The following NME7 variants were observed in gnomAD, a reference collection of about 807,000 sequenced individuals.
NME7 encodes the protein nucleoside diphosphate kinase 7.
A neutral mutation model predicts 49.1 loss-of-function variants in NME7; 41 were observed. That is an observed-to-expected ratio of 0.83 (90% CI 0.65 to 1.08). The LOEUF is 1.08. Among genes scored for constraint, NME7 ranks in the 50% least tolerant of loss-of-function variants. The pLI is 0.00. For synonymous variants in NME7, 139 were observed against 150.6 expected (o/e 0.92, Z 0.56); for missense variants, 423 against 463.4 (o/e 0.91, Z 0.80).
rs557581536 is a variant in NME7, at chr1:169,257,269, C to T, written c.755-19582G>A. Among the ~76,000 whole-genome samples, 2 of 134,486 alleles carry T rather than the reference C, an allele frequency of 1.5e-5. 1 individual carries two copies. Among genetic ancestry groups the T allele is most frequent in the Admixed American group, 1.4e-4 (2 of 13,860 alleles). The allele number at this position is 134,486 out of a possible 152,430, so 88.2% of individuals were successfully genotyped here. ...AGGTGCGGGATATAATCTCGTGGTG[C>T]GCCATTTTTTAAGCCTGTCAGAAAA... On this transcript the variant is annotated intron_variant, in intron 7 of 11. Transcript: ENST00000367811.
chr1:169,143,273 C>CTTTTTTTTTTTTTTTTTTTTTT (rs71299493), intron 11 of NME7, among the ~76,000 whole-genome samples: 2 of 98,178 alleles, frequency 2.0e-5, no homozygotes, highest in Non-Finnish European at 2.1e-5. Context: ...TCACCTCAGG[C>CTTTTTTTTTTTTTTTTTTTTTT]TTTTTTTTTT....
intron 10 of NME7, among the ~76,000 whole-genome samples, chr1:169,223,109 T>C (rs979043018): frequency 6.6e-6 from 1 of 152,208 alleles, no homozygotes; most frequent in African/African-American, 2.4e-5. Flanking sequence ...TTCAACTTTG[T>C]GACCTTTATA....
intron 11 of NME7, among the ~76,000 whole-genome samples, chr1:169,151,019 G>A (rs1658898773): frequency 6.6e-6 from 1 of 152,152 alleles, no homozygotes; most frequent in Non-Finnish European, 1.5e-5. Context: ...TTAAACATGT[G>A]AAAGCCATTC....
intron 9 of NME7, among the ~76,000 whole-genome samples, chr1:169,232,559 G>T (rs12401966): frequency 0.083 from 12,562 of 151,550 alleles, 711 homozygotes; most frequent in Admixed American, 0.19. Context: ...AGGGTGTTGG[G>T]GGGGGGGCAG....
intron 7 of NME7, among the ~76,000 whole-genome samples, chr1:169,254,832 AT>A (rs1034111544): frequency 7.6e-6 from 1 of 130,824 alleles, no homozygotes; most frequent in African/African-American, 2.6e-5. Flanking sequence ...CCCAGTAGTC[AT>A]TCAGGAGCAG....
chr1:169,209,429 C>A (rs1660755747), intron 10 of NME7, among the ~76,000 whole-genome samples: 1 of 152,018 alleles, frequency 6.6e-6, no homozygotes, highest in Admixed American at 6.6e-5. Context: ...ATAAAACAAA[C>A]ATTTCTATCA....
rs951274593 is a variant in NME7 at position 169,367,614 on chromosome 1, AC to A, written c.3+93del. On this transcript the variant is annotated intron_variant, in intron 1 of 11. Transcript: ENST00000367811. ...AGATAACGGGGAGAAGGTCGGGAGG[AC>A]CGGACAACTTTAAGTGCCCATCCGC... 2.8e-5 allele frequency: 39 copies of A among 1,407,822 alleles called. No individual in the cohort carries two copies. The East Asian group carries it at 8.0e-4, about 29-fold the overall frequency. The allele number at this position is 1,407,822 out of a possible 1,614,324, so 87.2% of individuals were successfully genotyped here. A position where few individuals can be genotyped will look rare whatever the true frequency, so the allele number is the denominator to read the frequency against.
At chr1:169,167,587 C>T (rs1416125289) in intron 11 of NME7, among the ~76,000 whole-genome samples, 2 of 152,040 alleles carry the variant, frequency 1.3e-5, no homozygotes, top group African/African-American at 4.8e-5. Context: ...ACTTTCTTAA[C>T]CCTAAACTGG....
intron 11 of NME7, among the ~76,000 whole-genome samples, chr1:169,139,040 G>C (rs534453737): frequency 6.6e-6 from 1 of 152,180 alleles, no homozygotes; most frequent in Non-Finnish European, 1.5e-5. Flanking sequence ...AATATGAACA[G>C]ATGTTTGTTG....
intron 4 of NME7, 89 bp from the exon 5 acceptor site, chr1:169,303,284 C>A (rs1209119636): frequency 8.9e-6 from 5 of 560,324 alleles, no homozygotes; most frequent in South Asian, 7.3e-5. Context: ...AAGATAAAAT[C>A]CTCTCAATTT....
rs767200951 is a variant in NME7 at position 169,287,290 on chromosome 1, G to A, written c.754+13C>T. ...ATTAACAAAATGTACTGAATATAGT[G>A]TATTCAACATACCTTCACTGACAGC... On this transcript the variant is annotated intron_variant, in intron 7 of 11. Coordinates refer to ENST00000367811, the MANE Select transcript of NME7 (RefSeq NM_013330.5). 6.5e-7 allele frequency: 1 copy of A among 1,538,858 alleles called. No individual in the cohort carries two copies. Among genetic ancestry groups the A allele is most frequent in the Non-Finnish European group, 9.0e-7 (1 of 1,114,130 alleles).
At chr1:169,287,816 AG>A (rs1650337159) in intron 6 of NME7, among the ~76,000 whole-genome samples, 1 of 152,222 alleles carries the variant, frequency 6.6e-6, no homozygotes, top group African/African-American at 2.4e-5. Flanking sequence ...GAAATTTTAT[AG>A]GAACAGAGAT....
chr1:169,136,301 T>TA (rs1658429117), intron 11 of NME7, among the ~76,000 whole-genome samples: 2 of 152,348 alleles, frequency 1.3e-5, no homozygotes, highest in East Asian at 3.9e-4. Context: ...TTGGAGCCTC[T>TA]AGACAGCAAG....
rs182315239 is a variant in NME7 at position 169,282,141 on chromosome 1, G to T, written c.754+5162C>A. On this transcript the variant is annotated intron_variant, in intron 7 of 11. Coordinates refer to ENST00000367811, the MANE Select transcript of NME7 (RefSeq NM_013330.5). ...CAATTTCAGAACCTGTTATTGGTCT[G>T]TTCAGGGGTTCTACTTCTTCCTGGC... Among the ~76,000 whole-genome samples, 23 of 152,200 alleles carry T rather than the reference G, an allele frequency of 1.5e-4. No individual in the cohort carries two copies. The East Asian group carries it at 4.1e-3, about 27-fold the overall frequency.
At chr1:169,350,848 G>A (rs1653146822) in intron 1 of NME7, among the ~76,000 whole-genome samples, 3 of 152,082 alleles carry the variant, frequency 2.0e-5, no homozygotes. Flanking sequence ...CACATCACAT[G>A]TAAATGGGAT....
chr1:169,180,805 AT>A (rs1270970479), intron 10 of NME7, among the ~76,000 whole-genome samples: 2 of 152,156 alleles, frequency 1.3e-5, no homozygotes, highest in South Asian at 2.1e-4. Context: ...GCTTTTTTAC[AT>A]TCTTAATTTA....
intron 2 of NME7, among the ~76,000 whole-genome samples, chr1:169,324,090 A>G (rs943820252): frequency 3.9e-5 from 6 of 151,924 alleles, no homozygotes; most frequent in Non-Finnish European, 8.8e-5. Context: ...CCTGACTTCA[A>G]GTAATCTGCC....
At chr1:169,133,467 C>T (rs112750356) in intron 11 of NME7, among the ~76,000 whole-genome samples, 5,291 of 152,180 alleles carry the variant, frequency 0.035, 291 homozygotes, top group African/African-American at 0.12. Context: ...AGGCCATGGC[C>T]GTTTTGGTGA....
At position 169,150,903 on chromosome 1, in the gene NME7, C is replaced by T. The variant is rs3766048; in HGVS notation, c.1099-18086G>A. On this transcript the variant is annotated intron_variant, in intron 11 of 11. Coordinates refer to ENST00000367811, the MANE Select transcript of NME7 (RefSeq NM_013330.5). ...ACACTAAAAGAATAAAAGCCTTTTCCCCGCTATGTTCCTATAAAACTTTAT... is the reference window on the plus strand; with the variant it reads ...ACACTAAAAGAATAAAAGCCTTTTCTCCGCTATGTTCCTATAAAACTTTAT... 0.054 allele frequency among the ~76,000 whole-genome samples: 8,266 copies of T among 152,214 alleles called. 1,127 individuals carry two copies. In the East Asian group the frequency reaches 0.6, roughly 11 times the overall value.
Sources: gnomAD v4.1 joint callset for allele counts (sites outside exome capture counted in the v4.1 genomes callset) on GRCh38, gnomAD v4.1.1 for gene constraint, MANE v1.5 for transcripts, NCBI Gene and HGNC (gene_info 2026-07-23, HGNC 2026-07-21) for gene names.